The following MVD variants were observed in gnomAD, a reference collection of about 807,000 sequenced individuals.
MVD encodes the protein diphosphomevalonate decarboxylase.
A neutral mutation model predicts 42.4 loss-of-function variants in MVD; 52 were observed. The ratio of observed to expected loss-of-function variants is 1.23; its 90% CI spans 0.98 to 1.55. The LOEUF (loss-of-function observed/expected upper bound fraction) is 1.55. Ranked by LOEUF, MVD falls within the 40% of genes most tolerant of loss-of-function variation. MVD has a pLI of 0.00. For synonymous variants in MVD, 287 were observed against 243.2 expected (o/e 1.18, Z -1.68); for missense variants, 663 against 572.1 (o/e 1.16, Z -1.62).
At position 88,657,511 on chromosome 16, in the gene MVD, C is replaced by A; in HGVS notation, c.328G>T (p.Val110Leu). Residue 110 changes from valine to leucine, a missense_variant, in exon 4 of 10, where the codon GTG (valine) becomes TTG (leucine). Physicochemically the swap from Val to Leu is conservative, Grantham distance 32. Transcript: ENST00000301012. ...DPLPSSLSCK[V>L]HVASVNNFPT... is the part of the protein sequence containing the mutation. ...AAGTTGTTCACCGATGCCACGTGCA[C>A]CTTGCAGCTGAGGCTGGAGGGCAGC... The A allele has an allele frequency of 6.2e-7, 1 of 1,612,818 alleles. No individual in the cohort carries two copies. The highest frequency in any genetic ancestry group is 1.6e-4 in the Middle Eastern group (1 of 6,062).
chr16:88,659,559 G>A (rs73258669), intron 1 of MVD, among the ~76,000 whole-genome samples: 4,067 of 152,282 alleles, frequency 0.027, 179 homozygotes, highest in African/African-American at 0.093. Flanking sequence ...AGTGCAGGGG[G>A]AGCCCGGGGC....
intron 5 of MVD, 38 bp from the exon 6 acceptor site, chr16:88,655,768 G>C: frequency 6.5e-7 from 1 of 1,546,034 alleles, no homozygotes; most frequent in Non-Finnish European, 8.7e-7. Flanking sequence ...ACACCCTGCA[G>C]GGGGCCAGCC....
Position 88,655,416 on chromosome 16 carries a change from A to G in MVD, c.680T>C (p.Phe227Ser). 2 of 1,568,026 alleles carry G rather than the reference A, an allele frequency of 1.3e-6. No homozygotes were observed. The highest frequency in any genetic ancestry group is 2.3e-5 in the South Asian group (2 of 86,028). The change falls in exon 7 of 10, where the codon TTC (phenylalanine) becomes TCC (serine). Residue 227 changes from phenylalanine to serine, a missense_variant and splice_region_variant. Physicochemically the swap from Phe to Ser is radical, Grantham distance 155. Coordinates refer to ENST00000301012, the MANE Select transcript of MVD (RefSeq NM_002461.3). ...CGCGGGCACCACGGACTCGGCCCGG[A>G]ACTGCAAGGCACAGGGTGTTTCCCA... Reference protein sequence around the residue: ...ASVETSPLLRFRAESVVPARM... With the variant: ...ASVETSPLLRSRAESVVPARM...
chr16:88,658,850 G>A, intron 1 of MVD, 130 bp from the exon 2 acceptor site: 1 of 702,942 alleles, frequency 1.4e-6, no homozygotes, highest in Non-Finnish European at 2.4e-6. Flanking sequence ...CGCACAACCT[G>A]TGTGCCCCTC....
chr16:88,656,035 C>T, intron 5 of MVD, 70 bp downstream of exon 5: 1 of 1,522,026 alleles, frequency 6.6e-7, no homozygotes, highest in Non-Finnish European at 8.8e-7. Context: ...TTCGCTCCTG[C>T]TCCCGGCAGC....
chr16:88,655,162 G>A, intron 7 of MVD, 37 bp downstream of exon 7: 1 of 1,545,488 alleles, frequency 6.5e-7, no homozygotes. Flanking sequence ...ACGCGCTACA[G>A]CGCGAGCGCA....
intron 4 of MVD, chr16:88,656,646 T>G (rs1305005612): frequency 2.4e-6 from 1 of 410,558 alleles, no homozygotes; most frequent in Non-Finnish European, 4.6e-6. Context: ...GGGAAGGAAT[T>G]TTAAGGCTGT....
chr16:88,657,107 G>T (rs1290811565), intron 4 of MVD: 3 of 487,848 alleles, frequency 6.1e-6, no homozygotes, highest in Non-Finnish European at 1.1e-5. Flanking sequence ...GCAACGGGAA[G>T]ATTTTTTTAT....
At chr16:88,658,308 G>T (rs188461772) in intron 2 of MVD, among the ~76,000 whole-genome samples, 220 of 152,276 alleles carry the variant, frequency 1.4e-3, no homozygotes, top group Non-Finnish European at 2.8e-3. Flanking sequence ...TGTGTGACGA[G>T]ACCTGGGGGC....
intron 1 of MVD, chr16:88,662,315 T>G: frequency 6.0e-6 from 1 of 167,814 alleles, no homozygotes; most frequent in South Asian, 1.2e-4. Context: ...CACGTCCACA[T>G]TCTATGCTGA....
Position 88,652,505 on chromosome 16 carries a change from T to C in MVD, c.*20A>G, listed in dbSNP as rs2142888225. 2 of 1,557,850 alleles carry C rather than the reference T, an allele frequency of 1.3e-6. No individual in the cohort carries two copies. The highest frequency in any genetic ancestry group is 1.2e-5 in the South Asian group (1 of 84,646). ...GAGGCCACCCCTTCTCCAAGCGGCA[T>C]GCGGTCCCTGCTGAGGCAGTCAGGC... On this transcript the variant is annotated 3_prime_UTR_variant, in exon 10 of 10. Coordinates refer to ENST00000301012, the MANE Select transcript of MVD (RefSeq NM_002461.3).
chr16:88,658,946 C>A, intron 1 of MVD: 2 of 547,436 alleles, frequency 3.7e-6, no homozygotes, highest in Non-Finnish European at 6.6e-6. Context: ...AGCCAACCTC[C>A]GTCCCCGCTC....
At chr16:88,656,004 A>G (rs1220829092) in intron 5 of MVD, 101 bp downstream of exon 5, 3 of 1,462,018 alleles carry the variant, frequency 2.1e-6, no homozygotes, top group African/African-American at 2.8e-5. Flanking sequence ...CCAGGAGCCA[A>G]GCAAAGCCTG....
chr16:88,652,264 G>C lies in MVD; in HGVS notation c.*261C>G, dbSNP rs1487703516. On this transcript the variant is annotated 3_prime_UTR_variant, in exon 10 of 10. Transcript: ENST00000301012. ...TTCAGCCCTGCTGCACCGAGGCTCTGCCAGTTCTCATACCCCCTCCCCATC... is the reference window on the plus strand; with the variant it reads ...TTCAGCCCTGCTGCACCGAGGCTCTCCCAGTTCTCATACCCCCTCCCCATC... 1.7e-6 allele frequency: 1 copy of C among 583,350 alleles called. No individual in the cohort carries two copies. Among genetic ancestry groups the C allele is most frequent in the Non-Finnish European group, 3.1e-6 (1 of 324,672 alleles). 36.1% of individuals were successfully genotyped at this position (583,350 alleles called of 1,614,324 possible).
chr16:88,659,535 G>A (rs753839070), intron 1 of MVD, among the ~76,000 whole-genome samples: 3 of 152,228 alleles, frequency 2.0e-5, no homozygotes, highest in African/African-American at 4.8e-5. Flanking sequence ...GGTGACAGAG[G>A]GCGGCTGTGG....
chr16:88,658,062 C>T (rs567141920), intron 2 of MVD, 33 bp from the exon 3 acceptor site: 1 of 1,600,480 alleles, frequency 6.2e-7, no homozygotes, highest in East Asian at 2.2e-5. Context: ...CCTCAGAGGC[C>T]AGCATTGAGG....
intron 5 of MVD, 186 bp from the exon 6 acceptor site, chr16:88,655,916 G>T: frequency 9.2e-7 from 1 of 1,088,764 alleles, no homozygotes. Flanking sequence ...CCAGATCCCA[G>T]CGGGTGGTGG....
chr16:88,652,318 A>G lies in MVD; in HGVS notation c.*207T>C. The G allele has an allele frequency of 1.6e-6, 1 of 630,838 alleles. No individual in the cohort carries two copies. The highest frequency in any genetic ancestry group is 2.7e-5 in the East Asian group (1 of 36,466). 39.1% of individuals were successfully genotyped at this position (630,838 alleles called of 1,614,324 possible). ...TCTTGGCAAAGCGCTGGTGCAGCTT[A>G]GGGCAGCTGAAGCACTCGGCGGGGA... is the stretch of plus-strand genomic sequence containing the variant. On this transcript the variant is annotated 3_prime_UTR_variant, in exon 10 of 10. Transcript: ENST00000301012.
Position 88,662,973 on chromosome 16 carries a change from C to A in MVD, c.70+38G>T, listed in dbSNP as rs574521561. On this transcript the variant is annotated intron_variant, in intron 1 of 9. Transcript: ENST00000301012. ...GACCCCCGCGTACCCGGCCTCGCTC[C>A]CGGCCATCCCCGTCCCAGGCCGGCC... The A allele has an allele frequency of 5.1e-6, 8 of 1,577,922 alleles. No homozygotes were observed. In the South Asian group the frequency reaches 9.2e-5, roughly 18 times the overall value.
Sources: gnomAD v4.1 joint callset for allele counts (sites outside exome capture counted in the v4.1 genomes callset) on GRCh38, gnomAD v4.1.1 for gene constraint, MANE v1.5 for transcripts, NCBI Gene and HGNC (gene_info 2026-07-23, HGNC 2026-07-21) for gene names.